Variants in RYR3 observed in about 807,000 individuals in gnomAD.
RYR3 encodes the protein ryanodine receptor 3.
A neutral mutation model predicts 584.3 loss-of-function variants in RYR3; 207 were observed. The ratio of observed to expected loss-of-function variants is 0.35; its 90% CI spans 0.32 to 0.40. The LOEUF (loss-of-function observed/expected upper bound fraction) is 0.40, where lower values mean the gene tolerates loss of function less well. Ranked by LOEUF, RYR3 falls within the 10% of genes least tolerant of loss-of-function variation. The pLI is 1.00. For missense variants in RYR3, 5,616 were observed against 6,089.2 expected (o/e 0.92, Z 2.59); for synonymous variants, 2,416 against 2,248.5 (o/e 1.07, Z -2.11).
chr15:33,846,786 C>T (rs1034962532), intron 93 of RYR3, among the ~76,000 whole-genome samples: 2 of 152,158 alleles, frequency 1.3e-5, no homozygotes, highest in African/African-American at 4.8e-5. Flanking sequence ...TCTTCTCATA[C>T]ATAAAAATGA....
chr15:33,775,312 T>C (rs1378762580), intron 64 of RYR3, among the ~76,000 whole-genome samples: 1 of 124,318 alleles, frequency 8.0e-6, no homozygotes, highest in Non-Finnish European at 1.6e-5. Flanking sequence ...GGTTATTAGG[T>C]ACATTGCTAG....
In RYR3 at chr15:33,748,507, G is replaced by A. The variant is rs370777001; in HGVS notation, c.8176G>A (p.Val2726Ile). 30 of 1,613,036 alleles carry A rather than the reference G, an allele frequency of 1.9e-5. No homozygotes were observed. Among genetic ancestry groups the A allele is most frequent in the Middle Eastern group, 1.6e-4 (1 of 6,082 alleles). ...YSPAPLDLSNVVLSRELQGMV... is the reference protein window; with the variant it reads ...YSPAPLDLSNIVLSRELQGMV... ...TCCTGCTCCCCTCGACCTCTCAAACGTTGTGCTCTCCAGAGAGCTCCAGGT... is the reference window on the plus strand; with the variant it reads ...TCCTGCTCCCCTCGACCTCTCAAACATTGTGCTCTCCAGAGAGCTCCAGGT... The change falls in exon 55 of 104, where the codon GTT (valine) becomes ATT (isoleucine). Residue 2726 changes from valine (V) to isoleucine (I), a missense_variant. Val to Ile is a conservative substitution (Grantham distance 29, BLOSUM62 3). Coordinates refer to ENST00000634891, the MANE Select transcript of RYR3 (RefSeq NM_001036.6).
intron 80 of RYR3, among the ~76,000 whole-genome samples, chr15:33,822,553 A>G (rs779517407): frequency 1.3e-5 from 2 of 152,250 alleles, no homozygotes; most frequent in Non-Finnish European, 2.9e-5. Flanking sequence ...TATTTTTTAA[A>G]AAACAAAATT....
rs1220773675 is a variant in RYR3 at position 33,738,526 on chromosome 15, T to C, written c.7592T>C (p.Val2531Ala). Residue 2531 changes from valine (V) to alanine (A), a missense_variant, in exon 50 of 104, where the codon GTG becomes GCG. By Grantham distance (64) the Val-to-Ala change is moderately conservative. Around this residue, in one of 9 missense-constraint regions of RYR3, gnomAD observed 1,280 missense variants for 1,426.2 expected, o/e 0.90. Transcript: ENST00000634891. ...GGATGGGGGAGCTACGGGCTAGCTG[T>C]GGAAGAAGAGCTGCACCTAACGGAG... is the stretch of plus-strand genomic sequence containing the variant. ...PSGWGSYGLA[V>A]EEELHLTEKL... The C allele has an allele frequency of 4.3e-6, 7 of 1,613,986 alleles. No homozygotes were observed. Among genetic ancestry groups the C allele is most frequent in the Non-Finnish European group, 5.9e-6 (7 of 1,179,880 alleles).
At chr15:33,605,241 C>T (rs1392007644) in intron 18 of RYR3, among the ~76,000 whole-genome samples, 1 of 152,170 alleles carries the variant, frequency 6.6e-6, no homozygotes, top group African/African-American at 2.4e-5. Context: ...ATCAGTGAGT[C>T]AGGAGGCATG....
chr15:33,603,084 A>G, intron 17 of RYR3, 39 bp from the exon 18 acceptor site: 2 of 1,608,122 alleles, frequency 1.2e-6, no homozygotes, highest in Non-Finnish European at 1.7e-6. Context: ...CTCAGCTTTT[A>G]AGGGTGTGTA....
At chr15:33,628,414 G>C in intron 20 of RYR3, 57 bp from the exon 21 acceptor site, 1 of 1,296,920 alleles carries the variant, frequency 7.7e-7, no homozygotes, top group Non-Finnish European at 1.1e-6. Flanking sequence ...AGCTCCTATA[G>C]ATTTTATGAT....
intron 10 of RYR3, among the ~76,000 whole-genome samples, chr15:33,558,934 G>A (rs1281632077): frequency 6.6e-6 from 1 of 152,132 alleles, no homozygotes; most frequent in Non-Finnish European, 1.5e-5. Flanking sequence ...CCTTTTCGTG[G>A]TTTCCATAGA....
Position 33,803,461 on chromosome 15 carries a change from C to G in RYR3, c.10011+1500C>G, listed in dbSNP as rs138098499. 6.6e-5 allele frequency among the ~76,000 whole-genome samples: 10 copies of G among 152,278 alleles called. 1 individual carries two copies. The highest frequency in any genetic ancestry group is 2.4e-4 in the African/African-American group (10 of 41,554). The stretch of plus-strand genomic sequence containing the variant: ...CTTCTTACAGGTATCACAGCCTCTT[C>G]TTTGACTCATCTACCTGCAGAAAGT... On this transcript the variant is annotated intron_variant, in intron 69 of 103. Transcript: ENST00000634891.
chr15:33,493,298 T>A lies in RYR3; in HGVS notation c.172-10333T>A, dbSNP rs12440419. On this transcript the variant is annotated intron_variant, in intron 2 of 103. Transcript: ENST00000634891. ...TTTATCTCCCGTTTGACATTCTGCC[T>A]TTTCTCTCTCCTGGCCTCTGCTATT... Among the ~76,000 whole-genome samples, 207 of 152,262 alleles carry A rather than the reference T, an allele frequency of 1.4e-3. 3 individuals are homozygous for A. In the East Asian group the frequency reaches 0.016, roughly 11 times the overall value.
intron 11 of RYR3, among the ~76,000 whole-genome samples, chr15:33,564,775 C>T (rs1462822215): frequency 2.0e-5 from 3 of 152,130 alleles, no homozygotes; most frequent in Non-Finnish European, 4.4e-5. Flanking sequence ...AGGACCATAG[C>T]CCGCAGATTC....
intron 64 of RYR3, among the ~76,000 whole-genome samples, chr15:33,773,913 T>G (rs1057413990): frequency 6.6e-6 from 1 of 152,240 alleles, no homozygotes. Context: ...TATGTCTGCT[T>G]CTTCAGAATC....
chr15:33,813,021 G>C, intron 73 of RYR3, 27 bp downstream of exon 73: 1 of 1,613,526 alleles, frequency 6.2e-7, no homozygotes, highest in Non-Finnish European at 8.5e-7. Flanking sequence ...CTGAGGAATG[G>C]GGAAGCAGAA....
At chr15:33,516,159 A>G (rs2053501379) in intron 3 of RYR3, among the ~76,000 whole-genome samples, 1 of 152,184 alleles carries the variant, frequency 6.6e-6, no homozygotes, top group Non-Finnish European at 1.5e-5. Context: ...CTTACAAAAC[A>G]TGCCAAAAAT....
At chr15:33,551,815 T>C (rs2056698376) in intron 10 of RYR3, among the ~76,000 whole-genome samples, 1 of 152,182 alleles carries the variant, frequency 6.6e-6, no homozygotes, top group South Asian at 2.1e-4. Flanking sequence ...ATTTAGTGAA[T>C]ATTTTTGCCT....
chr15:33,863,137 C>G (rs144998580), intron 102 of RYR3, among the ~76,000 whole-genome samples: 1,759 of 152,266 alleles, frequency 0.012, 26 homozygotes, highest in African/African-American at 0.041. Flanking sequence ...TCTTTCCTAT[C>G]TCTATCCCCT....
intron 102 of RYR3, among the ~76,000 whole-genome samples, chr15:33,862,314 G>A (rs1055707743): frequency 1.3e-5 from 2 of 152,044 alleles, no homozygotes; most frequent in South Asian, 4.1e-4. Flanking sequence ...CCAGGCTCAA[G>A]ACATCCGCCT....
intron 69 of RYR3, among the ~76,000 whole-genome samples, chr15:33,805,579 A>G (rs7162282): frequency 0.045 from 6,703 of 149,860 alleles, 481 homozygotes; most frequent in African/African-American, 0.16. Context: ...CCTGGTTCAC[A>G]CCATTCTCCT....
chr15:33,620,336 C>CTTCTCCCT (rs2060663374), intron 19 of RYR3, among the ~76,000 whole-genome samples: 1 of 152,162 alleles, frequency 6.6e-6, no homozygotes, highest in Non-Finnish European at 1.5e-5. Context: ...AGGGAGAACG[C>CTTCTCCCT]TTCTCCCTTT....
Sources: allele counts gnomAD v4.1 joint callset (sites outside exome capture counted in the v4.1 genomes callset), GRCh38; gene constraint gnomAD v4.1.1; regional missense constraint gnomAD v4.1.1; transcripts MANE v1.5; gene names NCBI Gene and HGNC (gene_info 2026-07-23, HGNC 2026-07-21).